PTPN9: variants seen among roughly 807,000 people sequenced by gnomAD.
PTPN9 encodes the protein protein tyrosine phosphatase non-receptor type 9.
PTPN9 carries 26 observed loss-of-function variants against 69.8 expected under a neutral mutation model. The ratio of observed to expected loss-of-function variants is 0.37; its 90% CI spans 0.27 to 0.52. The LOEUF (loss-of-function observed/expected upper bound fraction) is 0.52. Ranked by LOEUF, PTPN9 falls within the 20% of genes least tolerant of loss-of-function variation. The pLI is 0.91. For missense variants in PTPN9, 549 were observed against 740.3 expected, an observed-to-expected ratio of 0.74 and a Z score of 3.00; for synonymous variants, 274 against 272.5, an observed-to-expected ratio of 1.01 and a Z score of -0.05.
At chr15:75,514,451 T>C (rs1193878819) in intron 5 of PTPN9, among the ~76,000 whole-genome samples, 1 of 152,112 alleles carries the variant, frequency 6.6e-6, no homozygotes, top group Non-Finnish European at 1.5e-5. Flanking sequence ...TGGTGGCACA[T>C]GCCTGTAATT....
At chr15:75,483,124 C>G (rs182909049) in intron 8 of PTPN9, among the ~76,000 whole-genome samples, 1 of 152,210 alleles carries the variant, frequency 6.6e-6, no homozygotes, top group East Asian at 1.9e-4. Flanking sequence ...CCTCCTTATA[C>G]ATGGCTAGTG....
intron 3 of PTPN9, among the ~76,000 whole-genome samples, 186 bp from the exon 4 acceptor site, chr15:75,523,431 G>C (rs906637575): frequency 6.6e-6 from 1 of 151,932 alleles, no homozygotes. Flanking sequence ...ATTCTCCCAG[G>C]ACTCCCTGGA....
intron 6 of PTPN9, among the ~76,000 whole-genome samples, chr15:75,507,462 A>AAAAG (rs1410022327): frequency 6.7e-5 from 10 of 148,482 alleles, no homozygotes; most frequent in African/African-American, 7.5e-5. Context: ...AAAAAAAAAA[A>AAAAG]AAAGAAAGAA....
intron 7 of PTPN9, among the ~76,000 whole-genome samples, chr15:75,500,267 G>A (rs1445769653): frequency 2.6e-5 from 4 of 151,380 alleles, no homozygotes; most frequent in Non-Finnish European, 4.4e-5. Context: ...GGCTGAGATC[G>A]TGGCACTGCA....
intron 7 of PTPN9, among the ~76,000 whole-genome samples, chr15:75,504,353 G>T (rs1460043013): frequency 3.6e-4 from 32 of 89,764 alleles, no homozygotes; most frequent in Admixed American, 7.5e-4. Flanking sequence ...CCCCTCTGCC[G>T]GGCCAGCCAC....
intron 1 of PTPN9, among the ~76,000 whole-genome samples, chr15:75,561,027 C>T (rs552544793): frequency 1.3e-5 from 2 of 148,556 alleles, no homozygotes; most frequent in African/African-American, 5.0e-5. Flanking sequence ...AAAAAAATTA[C>T]TTTAAAAAGC....
chr15:75,578,344 C>A (rs2075183128), intron 1 of PTPN9, among the ~76,000 whole-genome samples: 1 of 152,232 alleles, frequency 6.6e-6, no homozygotes, highest in Admixed American at 6.5e-5. Context: ...GCCACAAACC[C>A]TCACGGAAAA....
At chr15:75,554,855 C>T (rs542703878) in intron 1 of PTPN9, among the ~76,000 whole-genome samples, 1 of 152,274 alleles carries the variant, frequency 6.6e-6, no homozygotes, top group Non-Finnish European at 1.5e-5. Context: ...ACTCACATGT[C>T]CAGACTCTCA....
chr15:75,507,935 C>T (rs1447615811), intron 6 of PTPN9, among the ~76,000 whole-genome samples: 1 of 146,076 alleles, frequency 6.8e-6, no homozygotes, highest in Non-Finnish European at 1.5e-5. Flanking sequence ...CCCAGCTACT[C>T]AGGAGGCTGA....
chr15:75,504,007 C>T, intron 7 of PTPN9, among the ~76,000 whole-genome samples: 1 of 134,072 alleles, frequency 7.5e-6, no homozygotes, highest in Admixed American at 7.1e-5. Context: ...GCCGGGCCAG[C>T]CGCCCCGTCC....
chr15:75,547,496 C>CA (rs967468132), intron 1 of PTPN9, among the ~76,000 whole-genome samples: 12 of 151,418 alleles, frequency 7.9e-5, no homozygotes, highest in Non-Finnish European at 1.2e-4. Context: ...CAAAACAAGA[C>CA]AAAAAAAACC....
rs769348006 is a variant in PTPN9 at position 75,468,865 on chromosome 15, C to T, written c.1686G>A (p.Glu562=). Residue 562 remains glutamate, a synonymous_variant, in exon 13 of 13, where the codon GAG becomes GAA. Transcript: ENST00000618819. ...TQRAFSIQTP[E]QYYFCYKAIL... The stretch of plus-strand genomic sequence containing the variant: ...TGGCCTTGTAGCAAAAATAGTACTG[C>T]TCAGGGGTCTGGATGCTGAAGGCCC... 1 of 1,614,208 alleles carries T rather than the reference C, an allele frequency of 6.2e-7. No homozygotes were observed. The highest frequency in any genetic ancestry group is 1.1e-5 in the South Asian group (1 of 91,078).
chr15:75,578,598 CG>C, intron 1 of PTPN9, 115 bp downstream of exon 1: 1 of 882,166 alleles, frequency 1.1e-6, no homozygotes, highest in Non-Finnish European at 1.5e-6. Flanking sequence ...GAGCCGGGCA[CG>C]GGAGCGGGGG....
rs2074906714 is a variant in PTPN9, at chr15:75,521,884, CA to C, written c.422+1236del. 2.6e-5 allele frequency among the ~76,000 whole-genome samples: 4 copies of C among 152,124 alleles called. No individual in the cohort carries two copies. The South Asian group carries it at 8.3e-4, about 32-fold the overall frequency. ...TGTTAAAAAGAAAGTTTCCTGCCCT[CA>C]AGAAGCGAGTGGATTCATCATGTTG... is the stretch of plus-strand genomic sequence containing the variant. On this transcript the variant is annotated intron_variant, in intron 4 of 12. Coordinates refer to ENST00000618819, the MANE Select transcript of PTPN9 (RefSeq NM_002833.4).
Position 75,468,812 on chromosome 15 carries a change from A to C in PTPN9, c.1739T>G (p.Met580Arg), listed in dbSNP as rs2074549345. Residue 580 changes from methionine (M) to arginine (R), a missense_variant, in exon 13 of 13, where the codon ATG becomes AGG. Around this residue, in one of 3 missense-constraint regions of PTPN9, gnomAD observed 30 missense variants for 24.8 expected, o/e 1.21. Coordinates refer to ENST00000618819, the MANE Select transcript of PTPN9 (RefSeq NM_002833.4). ...CAGCAGGTTTTGGCCAGAGGATACCATGCCCTCCTTCTCTGCGAACTCCAG... is the reference window on the plus strand; with the variant it reads ...CAGCAGGTTTTGGCCAGAGGATACCCTGCCCTCCTTCTCTGCGAACTCCAG... ...AILEFAEKEG[M>R]VSSGQNLLAV... 1 of 1,614,148 alleles carries C rather than the reference A, an allele frequency of 6.2e-7. No homozygotes were observed.
intron 1 of PTPN9, among the ~76,000 whole-genome samples, chr15:75,574,855 T>C (rs1260798120): frequency 2.0e-5 from 3 of 147,002 alleles, no homozygotes; most frequent in African/African-American, 5.0e-5. Flanking sequence ...AGCAAGAGAA[T>C]TGCTCGAACC....
intron 1 of PTPN9, 118 bp from the exon 2 acceptor site, chr15:75,527,379 C>A: frequency 9.2e-7 from 1 of 1,089,890 alleles, no homozygotes; most frequent in South Asian, 1.6e-5. Context: ...CAGTTTGCTA[C>A]AGGGAGCAGG....
At chr15:75,536,737 T>C (rs2074983902) in intron 1 of PTPN9, among the ~76,000 whole-genome samples, 1 of 152,010 alleles carries the variant, frequency 6.6e-6, no homozygotes, top group Admixed American at 6.6e-5. Context: ...CATAAAAGAT[T>C]CAATAGAGAT....
At chr15:75,526,100 A>T (rs2074926320) in intron 2 of PTPN9, among the ~76,000 whole-genome samples, 1 of 150,592 alleles carries the variant, frequency 6.6e-6, no homozygotes, top group Admixed American at 6.7e-5. Flanking sequence ...GGTTCAAGTG[A>T]TTGTCCCTCC....
Sources: allele counts gnomAD v4.1 joint callset (sites outside exome capture counted in the v4.1 genomes callset), GRCh38; gene constraint gnomAD v4.1.1; regional missense constraint gnomAD v4.1.1; transcripts MANE v1.5; gene names NCBI Gene and HGNC (gene_info 2026-07-23, HGNC 2026-07-21).